SLC25A12: variants seen among roughly 807,000 people sequenced by gnomAD.
SLC25A12 encodes electrogenic aspartate/glutamate antiporter SLC25A12, mitochondrial.
SLC25A12 carries 32 observed loss-of-function variants against 83.3 expected under a neutral mutation model. The ratio of observed to expected loss-of-function variants is 0.38; its 90% CI spans 0.29 to 0.52. SLC25A12 has a LOEUF of 0.52. Among genes scored for constraint, SLC25A12 ranks in the 20% least tolerant of loss-of-function variants. The probability of loss-of-function intolerance (pLI) is 0.84; values close to 1 mark genes in which losing one functional copy is unlikely to be tolerated. For synonymous variants in SLC25A12, 267 were observed against 291.1 expected, an observed-to-expected ratio of 0.92 and a Z score of 0.84; for missense variants, 611 against 835.6, an observed-to-expected ratio of 0.73 and a Z score of 3.31.
intron 2 of SLC25A12, among the ~76,000 whole-genome samples, chr2:171,870,604 G>C (rs947093762): frequency 1.3e-4 from 19 of 151,764 alleles, no homozygotes; most frequent in African/African-American, 4.1e-4. Flanking sequence ...CTGGGCAACA[G>C]AGCAAGACCC....
chr2:171,881,147 T>TG (rs1553477534), intron 2 of SLC25A12, among the ~76,000 whole-genome samples: 4 of 151,970 alleles, frequency 2.6e-5, no homozygotes, highest in African/African-American at 2.4e-5. Context: ...ATTTTCTTTT[T>TG]TTGTTGTTGT....
intron 9 of SLC25A12, 72 bp from the exon 10 acceptor site, chr2:171,815,274 T>C (rs1190982291): frequency 9.4e-7 from 1 of 1,062,434 alleles, no homozygotes; most frequent in Non-Finnish European, 1.5e-6. Flanking sequence ...ACAATTTGAC[T>C]ATTTTAAGAC....
intron 2 of SLC25A12, among the ~76,000 whole-genome samples, chr2:171,873,493 TG>T (rs1377482209): frequency 6.6e-6 from 1 of 152,166 alleles, no homozygotes; most frequent in Non-Finnish European, 1.5e-5. Flanking sequence ...GCTTGAGGCC[TG>T]AACCAACACA....
intron 4 of SLC25A12, among the ~76,000 whole-genome samples, chr2:171,849,924 C>A (rs1040502823): frequency 1.2e-4 from 19 of 152,012 alleles, no homozygotes; most frequent in African/African-American, 3.6e-4. Flanking sequence ...ACCTCAGCCT[C>A]CCAAGTAGCT....
intron 13 of SLC25A12, among the ~76,000 whole-genome samples, chr2:171,794,080 G>GA (rs1243591181): frequency 1.3e-5 from 2 of 151,286 alleles, no homozygotes; most frequent in African/African-American, 2.4e-5. Context: ...AACCCATTTG[G>GA]AAAAAAAAGC....
intron 2 of SLC25A12, among the ~76,000 whole-genome samples, chr2:171,872,478 A>C (rs148363184): frequency 9.8e-4 from 150 of 152,304 alleles, no homozygotes; most frequent in Middle Eastern, 3.4e-3. Context: ...GGAAAGGCAC[A>C]ATATGAGGAA....
intron 4 of SLC25A12, among the ~76,000 whole-genome samples, chr2:171,851,495 A>T (rs1684931832): frequency 1.5e-5 from 2 of 131,828 alleles, no homozygotes; most frequent in African/African-American, 5.1e-5. Context: ...GGCCCCTTAA[A>T]AAAAAAAAAA....
chr2:171,856,208 T>C (rs931124751), intron 3 of SLC25A12, among the ~76,000 whole-genome samples: 4 of 152,086 alleles, frequency 2.6e-5, no homozygotes, highest in African/African-American at 9.7e-5. Flanking sequence ...AGGCAAAATA[T>C]AATTAAACCT....
At chr2:171,824,281 T>C (rs1196140421) in intron 9 of SLC25A12, among the ~76,000 whole-genome samples, 1 of 152,126 alleles carries the variant, frequency 6.6e-6, no homozygotes, top group Non-Finnish European at 1.5e-5. Context: ...CAAAATTACA[T>C]CACTTTCCTA....
intron 13 of SLC25A12, among the ~76,000 whole-genome samples, chr2:171,806,803 C>T (rs1574685921): frequency 6.6e-6 from 1 of 152,302 alleles, no homozygotes; most frequent in East Asian, 1.9e-4. Context: ...ATTCTTCTCA[C>T]TAGTGGCACT....
At chr2:171,807,691 C>G (rs923724719) in intron 13 of SLC25A12, among the ~76,000 whole-genome samples, 1 of 152,206 alleles carries the variant, frequency 6.6e-6, no homozygotes, top group South Asian at 2.1e-4. Flanking sequence ...GAACCAATTA[C>G]AGAATCTAAT....
chr2:171,801,135 T>TA (rs1027680447), intron 13 of SLC25A12, among the ~76,000 whole-genome samples: 1 of 152,184 alleles, frequency 6.6e-6, no homozygotes, highest in Non-Finnish European at 1.5e-5. Flanking sequence ...TTCATACACT[T>TA]ATTAAAGGAA....
chr2:171,809,377 A>T, intron 13 of SLC25A12: 1 of 545,986 alleles, frequency 1.8e-6, no homozygotes, highest in Non-Finnish European at 3.3e-6. Context: ...TTGTTTCCTG[A>T]CTTTTTAATG....
chr2:171,797,116 G>A (rs1450301268), intron 13 of SLC25A12, among the ~76,000 whole-genome samples: 1 of 152,184 alleles, frequency 6.6e-6, no homozygotes, highest in Non-Finnish European at 1.5e-5. Context: ...AAGGGGAAAA[G>A]CACTGCTTGC....
intron 4 of SLC25A12, 30 bp downstream of exon 4, chr2:171,855,804 T>C (rs1466038015): frequency 8.1e-7 from 1 of 1,240,312 alleles, no homozygotes; most frequent in Middle Eastern, 1.9e-4. Flanking sequence ...CATCATTAAC[T>C]TATCACTTAT....
intron 9 of SLC25A12, among the ~76,000 whole-genome samples, chr2:171,824,856 G>A (rs1365837106): frequency 6.6e-6 from 1 of 151,678 alleles, no homozygotes; most frequent in Non-Finnish European, 1.5e-5. Context: ...CCAAGCTGGA[G>A]TGTAGTAGCA....
At chr2:171,853,085 G>C (rs986164120) in intron 4 of SLC25A12, among the ~76,000 whole-genome samples, 14 of 152,096 alleles carry the variant, frequency 9.2e-5, no homozygotes, top group African/African-American at 3.4e-4. Flanking sequence ...TCAAACTCTG[G>C]GCTCAAGAGA....
chr2:171,785,855 C>T (rs543154726), intron 17 of SLC25A12, among the ~76,000 whole-genome samples: 3 of 152,042 alleles, frequency 2.0e-5, no homozygotes, highest in East Asian at 1.9e-4. Flanking sequence ...AAGCTGGTTT[C>T]GAACTTCTGG....
At chr2:171,851,968 A>C (rs1427541181) in intron 4 of SLC25A12, among the ~76,000 whole-genome samples, 1 of 152,256 alleles carries the variant, frequency 6.6e-6, no homozygotes, top group Non-Finnish European at 1.5e-5. Flanking sequence ...GGTGAGACCA[A>C]GGCAAACTTA....
Sources: gnomAD v4.1 joint callset for allele counts (sites outside exome capture counted in the v4.1 genomes callset) on GRCh38, gnomAD v4.1.1 for gene constraint, MANE v1.5 for transcripts, NCBI Gene and HGNC (gene_info 2026-07-23, HGNC 2026-07-21) for gene names.